The following CDH26 variants were observed in gnomAD, a reference collection of about 807,000 sequenced individuals.
CDH26 encodes the protein cadherin 26, also known as cadherin-like protein 26.
CDH26 carries 83 observed loss-of-function variants against 90.3 expected under a neutral mutation model. That is an observed-to-expected ratio of 0.92 (90% CI 0.77 to 1.10). The LOEUF (loss-of-function observed/expected upper bound fraction) is 1.10. Ranked by LOEUF, CDH26 falls within the 50% of genes least tolerant of loss-of-function variation. CDH26 has a pLI of 0.00. For synonymous variants in CDH26, 397 were observed against 396.3 expected, an observed-to-expected ratio of 1.00 and a Z score of -0.02; for missense variants, 1,013 against 1,037.6, an observed-to-expected ratio of 0.98 and a Z score of 0.33.
At position 60,012,996 on chromosome 20, in the gene CDH26, A is replaced by G. The variant is rs934483274; in HGVS notation, c.*266A>G. On this transcript the variant is annotated 3_prime_UTR_variant, in exon 18 of 18. Coordinates refer to ENST00000348616, the MANE Select transcript of CDH26 (RefSeq NM_177980.4). ...ACTTGAATTTAATTGTGTTATTCTT[A>G]GCTTCCACTGGCAGCCTAGCTTTGA... 1.1e-4 allele frequency: 38 copies of G among 340,480 alleles called. No individual in the cohort carries two copies. The highest frequency in any genetic ancestry group is 7.7e-4 in the African/African-American group (36 of 46,772). The allele number at this position is 340,480 out of a possible 1,614,324, so 21.1% of individuals were successfully genotyped here. A position where few individuals can be genotyped will look rare whatever the true frequency, so the allele number is the denominator to read the frequency against.
intron 1 of CDH26, 74 bp downstream of exon 1, chr20:59,958,869 T>A: frequency 6.8e-7 from 1 of 1,470,168 alleles, no homozygotes; most frequent in Non-Finnish European, 9.3e-7. Context: ...CTGCCCCTTC[T>A]AGGCTAAGGG....
chr20:59,959,019 A>C (rs533387194), intron 1 of CDH26, among the ~76,000 whole-genome samples: 1 of 152,350 alleles, frequency 6.6e-6, no homozygotes, highest in Admixed American at 6.5e-5. Context: ...GAGCAGGCTA[A>C]GGGACCTGTT....
chr20:60,015,737 C>A (rs1053534352), downstream of CDH26, among the ~76,000 whole-genome samples: 17 of 152,004 alleles, frequency 1.1e-4, no homozygotes, highest in African/African-American at 4.1e-4. Flanking sequence ...GATTTTCTTC[C>A]AATAGTCTTA....
chr20:60,014,799 C>G (rs2061891045), downstream of CDH26, among the ~76,000 whole-genome samples: 1 of 152,126 alleles, frequency 6.6e-6, no homozygotes, highest in Non-Finnish European at 1.5e-5. Flanking sequence ...GATTTCCTTT[C>G]CTCTGGACAA....
chr20:59,971,947 T>G lies in CDH26; in HGVS notation c.232-15T>G. ...CATCCTCCTTTTTTCTTCTTTCCAT[T>G]TTTCCTCCTTCCAGCTGTTCAATAA... On this transcript the variant is annotated splice_polypyrimidine_tract_variant and intron_variant, in intron 3 of 17. Transcript: ENST00000348616. 1 of 1,603,672 alleles carries G rather than the reference T, an allele frequency of 6.2e-7. No homozygotes were observed. The highest frequency in any genetic ancestry group is 8.5e-7 in the Non-Finnish European group (1 of 1,173,084).
intron 16 of CDH26, among the ~76,000 whole-genome samples, chr20:60,006,222 C>G (rs984763048): frequency 2.0e-5 from 3 of 152,342 alleles, no homozygotes; most frequent in Admixed American, 2.0e-4. Context: ...GCCACTCCTT[C>G]CAGTAGATGC....
chr20:60,026,218 T>C (rs1431246288), intron 7 of CDH26, among the ~76,000 whole-genome samples: 5 of 152,188 alleles, frequency 3.3e-5, no homozygotes, highest in Admixed American at 2.0e-4. Flanking sequence ...CCAAGATTCC[T>C]GAGGCCTTTC....
rs1459672685 is a variant in CDH26, at chr20:59,999,588, A to G, written c.2022A>G (p.Thr674=). The change falls in exon 14 of 18, where the codon ACA becomes ACG. Residue 674 remains threonine, a splice_region_variant and synonymous_variant. Transcript: ENST00000348616. ...NAESKGTSAQ[T]WSDVEGQRPA... ...ATTTCTTTCTCTGTGTTCTACAGAC[A>G]TGGTCAGATGTTGAAGGCCAGAGGC... is the stretch of plus-strand genomic sequence containing the variant. 6.2e-7 allele frequency: 1 copy of G among 1,613,744 alleles called. No homozygotes were observed. The highest frequency in any genetic ancestry group is 8.5e-7 in the Non-Finnish European group (1 of 1,179,704).
At chr20:59,962,135 G>A (rs2061083629) in intron 1 of CDH26, among the ~76,000 whole-genome samples, 1 of 152,156 alleles carries the variant, frequency 6.6e-6, no homozygotes, top group Admixed American at 6.5e-5. Context: ...GAGCAGGTTG[G>A]ATTCTGTCCT....
At chr20:59,979,281 C>T (rs1276597765) in intron 4 of CDH26, among the ~76,000 whole-genome samples, 1 of 151,182 alleles carries the variant, frequency 6.6e-6, no homozygotes, top group African/African-American at 2.4e-5. Flanking sequence ...TCACTGCAAC[C>T]TCCATCTCCC....
chr20:59,983,180 G>T (rs760295531), intron 5 of CDH26, 110 bp downstream of exon 5: 40 of 1,283,862 alleles, frequency 3.1e-5, no homozygotes, highest in Non-Finnish European at 4.2e-5. Context: ...AGTTTTTACT[G>T]TTCACATCTC....
In CDH26 at chr20:59,958,725, A is replaced by C. The variant is rs2061028897; in HGVS notation, c.-2A>C. The C allele has an allele frequency of 3.1e-6, 5 of 1,614,126 alleles. No individual in the cohort carries two copies. The African/African-American group carries it at 6.7e-5, about 22-fold the overall frequency. ...TTCTGGGTCTGTCTTGGGTATTCCC[A>C]TATGGCCATGAGATCCGGGAGGCAC... On this transcript the variant is annotated 5_prime_UTR_variant, in exon 1 of 18. Transcript: ENST00000348616.
chr20:59,981,410 A>T (rs1465443358), intron 4 of CDH26, among the ~76,000 whole-genome samples: 2 of 152,132 alleles, frequency 1.3e-5, no homozygotes, highest in African/African-American at 4.8e-5. Flanking sequence ...GATTTCTTTC[A>T]TCAGTGTTTT....
intron 7 of CDH26, among the ~76,000 whole-genome samples, chr20:60,022,918 A>C (rs1295280983): frequency 1.3e-5 from 2 of 152,222 alleles, no homozygotes; most frequent in Admixed American, 1.3e-4. Flanking sequence ...CTTCCCCAGT[A>C]AAAGAACCCT....
At chr20:59,984,893 C>T (rs988886389) in intron 6 of CDH26, 88 bp downstream of exon 6, 2 of 1,555,600 alleles carry the variant, frequency 1.3e-6, no homozygotes, top group Admixed American at 1.8e-5. Context: ...TAGTGGGGAA[C>T]CCTCTGTGGC....
chr20:60,032,877 T>A (rs541640442), intron 8 of CDH26, among the ~76,000 whole-genome samples: 1 of 146,114 alleles, frequency 6.8e-6, no homozygotes, highest in African/African-American at 2.5e-5. Context: ...AGGGATAGCA[T>A]TGGGAGATGT....
At chr20:60,004,439 T>C (rs1337951084) in intron 16 of CDH26, among the ~76,000 whole-genome samples, 1 of 152,132 alleles carries the variant, frequency 6.6e-6, no homozygotes, top group Non-Finnish European at 1.5e-5. Context: ...TACTGAATAC[T>C]GTAGGCAATT....
Position 60,012,976 on chromosome 20 carries a change from A to C in CDH26, c.*246A>C. The C allele has an allele frequency of 2.4e-6, 1 of 415,344 alleles. No individual in the cohort carries two copies. 25.7% of individuals were successfully genotyped at this position (415,344 alleles called of 1,614,324 possible). A position where few individuals can be genotyped will look rare whatever the true frequency, so the allele number is the denominator to read the frequency against. ...TTGTCATATTTTCTAGAGAAACTTG[A>C]ATTTAATTGTGTTATTCTTAGCTTC... On this transcript the variant is annotated 3_prime_UTR_variant, in exon 18 of 18. Transcript: ENST00000348616.
chr20:59,960,234 G>T (rs1332274180), intron 1 of CDH26, among the ~76,000 whole-genome samples: 2 of 152,202 alleles, frequency 1.3e-5, no homozygotes, highest in Admixed American at 6.5e-5. Context: ...CAGTGCACTG[G>T]TTTTAACATA....
Sources: allele counts gnomAD v4.1 joint callset (sites outside exome capture counted in the v4.1 genomes callset), GRCh38; gene constraint gnomAD v4.1.1; transcripts MANE v1.5; gene names NCBI Gene and HGNC (gene_info 2026-07-23, HGNC 2026-07-21).